The following TEAD1 variants were observed in gnomAD, a reference collection of about 807,000 sequenced individuals.
TEAD1 encodes TEA domain transcription factor 1, also known as transcriptional enhancer factor TEF-1.
Under a neutral mutation model 54.9 loss-of-function variants are expected in TEAD1, and 9 were observed. That is an observed-to-expected ratio of 0.16 (90% confidence interval 0.10 to 0.29). The LOEUF is 0.29. Ranked by LOEUF, TEAD1 falls within the 10% of genes least tolerant of loss-of-function variation. TEAD1 has a pLI of 1.00. For synonymous variants in TEAD1, 200 were observed against 187.8 expected (o/e 1.07, Z -0.53); for missense variants, 387 against 535.9 (o/e 0.72, Z 2.74).
chr11:12,932,441 AAATC>A (rs554984963), intron 12 of TEAD1, among the ~76,000 whole-genome samples: 4 of 152,146 alleles, frequency 2.6e-5, no homozygotes, highest in Non-Finnish European at 4.4e-5. Flanking sequence ...TGTTTATTAA[AAATC>A]AATTCTGATT....
rs377485390 is a variant in TEAD1, at chr11:12,937,282, C to A, written c.*60C>A. 4 of 1,309,124 alleles carry A rather than the reference C, an allele frequency of 3.1e-6. No individual in the cohort carries two copies. The highest frequency in any genetic ancestry group is 3.0e-5 in the African/African-American group (2 of 67,546). The allele number at this position is 1,309,124 out of a possible 1,614,324, so 81.1% of individuals were successfully genotyped here. ...ACACACACACATATGTGCACACACACACTCTCTCTCCATTATCGAACGACT... is the reference window on the plus strand; with the variant it reads ...ACACACACACATATGTGCACACACAAACTCTCTCTCCATTATCGAACGACT... On this transcript the variant is annotated 3_prime_UTR_variant, in exon 13 of 13. Transcript: ENST00000527636.
intron 3 of TEAD1, among the ~76,000 whole-genome samples, chr11:12,776,230 C>T (rs377680741): frequency 1.7e-4 from 26 of 152,228 alleles, no homozygotes; most frequent in African/African-American, 5.1e-4. Flanking sequence ...AGCTCAGAGA[C>T]GCATAATTCC....
intron 3 of TEAD1, among the ~76,000 whole-genome samples, chr11:12,779,225 T>C (rs1272613965): frequency 1.3e-5 from 2 of 152,200 alleles, no homozygotes; most frequent in Non-Finnish European, 2.9e-5. Flanking sequence ...TCTTGAATGA[T>C]ACAGTTACCG....
chr11:12,866,147 A>T (rs944243188), intron 5 of TEAD1, among the ~76,000 whole-genome samples: 1 of 152,222 alleles, frequency 6.6e-6, no homozygotes, highest in African/African-American at 2.4e-5. Context: ...CAGTTGGAAG[A>T]CTAAGATAAC....
At chr11:12,882,044 T>C in intron 8 of TEAD1, 87 bp downstream of exon 8, 1 of 1,433,206 alleles carries the variant, frequency 7.0e-7, no homozygotes, top group South Asian at 1.1e-5. Flanking sequence ...AGTCAAGAGA[T>C]GCTCAACTTT....
intron 3 of TEAD1, among the ~76,000 whole-genome samples, chr11:12,830,740 A>G (rs917286119): frequency 6.6e-6 from 1 of 151,896 alleles, no homozygotes; most frequent in Non-Finnish European, 1.5e-5. Flanking sequence ...TTATATTTGC[A>G]ATCACACACA....
Position 12,674,562 on chromosome 11 carries a change from T to G in TEAD1, c.-480T>G, listed in dbSNP as rs1943033930. 6.7e-6 allele frequency: 1 copy of G among 149,976 alleles called. No individual in the cohort carries two copies. The highest frequency in any genetic ancestry group is 1.5e-5 in the Non-Finnish European group (1 of 67,474). 9.3% of individuals were successfully genotyped at this position (149,976 alleles called of 1,614,324 possible). The stretch of plus-strand genomic sequence containing the variant: ...AGACTCGCTTCCACCCTGCGGGCCA[T>G]TCCGCGCGGCGGGGCCCGGGCCCGG... On this transcript the variant is annotated 5_prime_UTR_variant, in exon 1 of 13. Transcript: ENST00000527636.
chr11:12,844,582 A>C (rs1947102105), intron 3 of TEAD1, among the ~76,000 whole-genome samples: 1 of 152,172 alleles, frequency 6.6e-6, no homozygotes, highest in South Asian at 2.1e-4. Context: ...AAATATGACG[A>C]CAGAAAAATC....
intron 3 of TEAD1, among the ~76,000 whole-genome samples, chr11:12,799,565 T>C (rs1410823151): frequency 6.6e-6 from 1 of 152,248 alleles, no homozygotes; most frequent in Non-Finnish European, 1.5e-5. Flanking sequence ...TTACAGTTTA[T>C]AATTGCTTTT....
intron 2 of TEAD1, among the ~76,000 whole-genome samples, chr11:12,754,394 G>A (rs1217500508): frequency 6.6e-6 from 1 of 152,192 alleles, no homozygotes; most frequent in East Asian, 1.9e-4. Flanking sequence ...ATTTGGGTAT[G>A]CTTTGAGGAT....
intron 3 of TEAD1, among the ~76,000 whole-genome samples, chr11:12,853,282 A>G (rs529904677): frequency 1.3e-5 from 2 of 152,124 alleles, no homozygotes; most frequent in South Asian, 2.1e-4. Flanking sequence ...GGTAAAATGA[A>G]TTGTGGTGGT....
intron 3 of TEAD1, among the ~76,000 whole-genome samples, chr11:12,802,883 A>G (rs1946090366): frequency 6.6e-6 from 1 of 152,106 alleles, no homozygotes; most frequent in Admixed American, 6.5e-5. Flanking sequence ...AACATTGTCT[A>G]GTTTTTCAGT....
chr11:12,770,914 G>C (rs117121293), intron 3 of TEAD1, among the ~76,000 whole-genome samples: 1 of 152,130 alleles, frequency 6.6e-6, no homozygotes, highest in Non-Finnish European at 1.5e-5. Flanking sequence ...ATCATGTAGC[G>C]GTTTTTAAAC....
intron 7 of TEAD1, 137 bp from the exon 8 acceptor site, chr11:12,881,759 C>T (rs1947973921): frequency 1.2e-6 from 1 of 836,044 alleles, no homozygotes; most frequent in Admixed American, 1.9e-5. Flanking sequence ...CTGCCTCTGC[C>T]TGGGGTGTGC....
At chr11:12,753,242 T>C (rs1208274881) in intron 2 of TEAD1, among the ~76,000 whole-genome samples, 1 of 152,190 alleles carries the variant, frequency 6.6e-6, no homozygotes, top group Admixed American at 6.5e-5. Flanking sequence ...TACCTGTCTT[T>C]TGGTGAACAT....
intron 3 of TEAD1, among the ~76,000 whole-genome samples, chr11:12,798,702 C>T (rs922822022): frequency 2.0e-5 from 3 of 152,340 alleles, no homozygotes; most frequent in Non-Finnish European, 2.9e-5. Flanking sequence ...CTTGTATTTA[C>T]GGTTGAGTTT....
intron 2 of TEAD1, among the ~76,000 whole-genome samples, chr11:12,733,239 A>T (rs1035374866): frequency 6.6e-6 from 1 of 152,194 alleles, no homozygotes; most frequent in Non-Finnish European, 1.5e-5. Flanking sequence ...AGCGGCCCCT[A>T]GGTAGAGGCC....
At chr11:12,754,334 C>T (rs943493636) in intron 2 of TEAD1, among the ~76,000 whole-genome samples, 4 of 152,132 alleles carry the variant, frequency 2.6e-5, no homozygotes, top group African/African-American at 9.7e-5. Flanking sequence ...TGCCTCTGCC[C>T]CGGAGGAGTT....
chr11:12,737,328 C>CAA (rs5789738), intron 2 of TEAD1, among the ~76,000 whole-genome samples: 232 of 131,910 alleles, frequency 1.8e-3, no homozygotes, highest in African/African-American at 3.1e-3. Context: ...AAAGACTAAG[C>CAA]AAAAAAAAAA....
Sources: allele counts gnomAD v4.1 joint callset (sites outside exome capture counted in the v4.1 genomes callset), GRCh38; gene constraint gnomAD v4.1.1; transcripts MANE v1.5; gene names NCBI Gene and HGNC (gene_info 2026-07-23, HGNC 2026-07-21).